Variants in RUSC2 observed in about 807,000 individuals in gnomAD.
RUSC2 encodes the protein RUN and SH3 domain containing 2.
A neutral mutation model predicts 122.2 loss-of-function variants in RUSC2; 34 were observed. That is an observed-to-expected ratio of 0.28 (90% CI 0.21 to 0.37). The LOEUF (loss-of-function observed/expected upper bound fraction) is 0.37, where lower values mean the gene tolerates loss of function less well. Among genes scored for constraint, RUSC2 ranks in the 10% least tolerant of loss-of-function variants. The pLI is 1.00. For missense variants in RUSC2, 1,747 were observed against 1,952.4 expected (o/e 0.89, Z 1.98); for synonymous variants, 784 against 790.0 (o/e 0.99, Z 0.13).
chr9:35,548,277 C>T lies in RUSC2; in HGVS notation c.1756C>T (p.Pro586Ser), dbSNP rs779287668. Residue 586 changes from proline to serine, a missense_variant, in exon 2 of 12, where the codon CCA becomes TCA. Physicochemically the swap from Pro to Ser is moderately conservative, Grantham distance 74. Coordinates refer to ENST00000361226, the MANE Select transcript of RUSC2 (RefSeq NM_014806.5). This position sits in a 1 kb window ranked among gnomAD's most constrained non-coding sequence, Gnocchi z 4.5. ...AGAAGCCCAGCAAGATCGGGGGGCCCCACTGGATGAGGGCACTTGCTGTAG... is the reference window on the plus strand; with the variant it reads ...AGAAGCCCAGCAAGATCGGGGGGCCTCACTGGATGAGGGCACTTGCTGTAG... ...IQEAQQDRGA[P>S]LDEGTCCSHS... is the part of the protein sequence containing the mutation. 6 of 1,613,978 alleles carry T rather than the reference C, an allele frequency of 3.7e-6. No individual in the cohort carries two copies. The Admixed American group carries it at 1.0e-4, about 27-fold the overall frequency.
chr9:35,544,300 C>T (rs10972506), intron 1 of RUSC2, among the ~76,000 whole-genome samples: 88,860 of 144,638 alleles, frequency 0.61, 28,850 homozygotes, highest in Non-Finnish European at 0.72. Flanking sequence ...TAAACTGGAT[C>T]ATATGTCTTT....
In RUSC2 at chr9:35,555,700, T is replaced by C. The variant is rs1477553960; in HGVS notation, c.2655T>C (p.Asn885=). 3 of 1,581,150 alleles carry C rather than the reference T, an allele frequency of 1.9e-6. No homozygotes were observed. Among genetic ancestry groups the C allele is most frequent in the East Asian group, 4.5e-5 (2 of 44,792 alleles). The change falls in exon 3 of 12, where the codon AAT becomes AAC. Residue 885 remains asparagine (N), a splice_region_variant and synonymous_variant. Transcript: ENST00000361226. The surrounding 1 kb of genome is among the most constrained non-coding windows in gnomAD (Gnocchi z 4.6). ...GCAGCATGGCCACCAGGCCCAGTAATGGTACGAGCTCCAGCATCTCCCTAC... is the reference window on the plus strand; with the variant it reads ...GCAGCATGGCCACCAGGCCCAGTAACGGTACGAGCTCCAGCATCTCCCTAC... ...GEGSMATRPS[N]ANHLSPQALK... is the part of the protein sequence containing the mutation.
intron 1 of RUSC2, among the ~76,000 whole-genome samples, chr9:35,503,317 A>G (rs998694756): frequency 7.9e-5 from 12 of 152,170 alleles, no homozygotes; most frequent in African/African-American, 2.9e-4. Flanking sequence ...ACGCCTTTGA[A>G]TCTTCATAGT....
chr9:35,516,022 A>ACAG (rs1554724502), intron 1 of RUSC2, among the ~76,000 whole-genome samples: 1 of 127,116 alleles, frequency 7.9e-6, no homozygotes, highest in Admixed American at 9.6e-5. Flanking sequence ...AAAAAAAAAA[A>ACAG]AGAGAAATGC....
intron 1 of RUSC2, among the ~76,000 whole-genome samples, chr9:35,491,584 T>C (rs1210433039): frequency 6.6e-6 from 1 of 152,222 alleles, no homozygotes; most frequent in Non-Finnish European, 1.5e-5. Flanking sequence ...GGACATGTTC[T>C]CATTCATCCA....
At chr9:35,491,883 G>T (rs2132480087) in intron 1 of RUSC2, among the ~76,000 whole-genome samples, 1 of 152,288 alleles carries the variant, frequency 6.6e-6, no homozygotes, top group East Asian at 1.9e-4. Context: ...TGAGGCAGGA[G>T]AACCCCTTGA....
At chr9:35,519,869 G>A (rs181962690) in intron 1 of RUSC2, among the ~76,000 whole-genome samples, 4 of 152,214 alleles carry the variant, frequency 2.6e-5, no homozygotes, top group Non-Finnish European at 5.9e-5. Flanking sequence ...TGAAGTTTTA[G>A]TGAGGTTGAG....
chr9:35,549,303 T>C, intron 2 of RUSC2: 1 of 942,540 alleles, frequency 1.1e-6, no homozygotes, highest in Non-Finnish European at 1.3e-6. Context: ...GTTTTTTTTT[T>C]TTTCTTTTTG....
rs1374973353 is a variant in RUSC2 at position 35,547,001 on chromosome 9, G to C, written c.480G>C (p.Gly160=). The change falls in exon 2 of 12, where the codon GGG becomes GGC. Residue 160 remains glycine (G), a synonymous_variant. Coordinates refer to ENST00000361226, the MANE Select transcript of RUSC2 (RefSeq NM_014806.5). This position sits in a 1 kb window ranked among gnomAD's most constrained non-coding sequence, Gnocchi z 4.6. ...PSGPRVGRPW[G]TTRSRAGVVE... ...GCCCCAGAGTGGGCAGGCCATGGGG[G>C]ACAACACGCAGTCGGGCTGGAGTGG... The C allele has an allele frequency of 5.0e-6, 8 of 1,603,586 alleles. No individual in the cohort carries two copies. The highest frequency in any genetic ancestry group is 6.8e-6 in the Non-Finnish European group (8 of 1,174,128).
At chr9:35,500,473 C>G (rs1265575700) in intron 1 of RUSC2, among the ~76,000 whole-genome samples, 1 of 152,202 alleles carries the variant, frequency 6.6e-6, no homozygotes, top group Non-Finnish European at 1.5e-5. Context: ...ACTTACTTAT[C>G]TATTACTGTA....
At chr9:35,517,480 G>T (rs1274886507) in intron 1 of RUSC2, among the ~76,000 whole-genome samples, 1 of 150,568 alleles carries the variant, frequency 6.6e-6, no homozygotes, top group Non-Finnish European at 1.5e-5. Context: ...GTGGGATACA[G>T]GCCCCAGATC....
chr9:35,556,531 C>T, intron 5 of RUSC2, 83 bp downstream of exon 5: 1 of 1,404,312 alleles, frequency 7.1e-7, no homozygotes. Context: ...CAGTCTGAAA[C>T]CTCTAAGTGC....
chr9:35,545,981 G>T (rs201785741), intron 1 of RUSC2, among the ~76,000 whole-genome samples: 1 of 152,154 alleles, frequency 6.6e-6, no homozygotes, highest in South Asian at 2.1e-4. Flanking sequence ...TATTATTCAT[G>T]ATTTTCCCTC....
At chr9:35,549,176 CAGG>C (rs1821834958) in intron 2 of RUSC2, 1 of 985,366 alleles carries the variant, frequency 1.0e-6, no homozygotes, top group African/African-American at 1.7e-5. Flanking sequence ...GCTGTAATCA[CAGG>C]AGATTTCCTG....
At chr9:35,519,479 G>A (rs1447918647) in intron 1 of RUSC2, among the ~76,000 whole-genome samples, 2 of 152,208 alleles carry the variant, frequency 1.3e-5, no homozygotes, top group African/African-American at 4.8e-5. Flanking sequence ...AACACTGGCG[G>A]TGGATTAGTA....
At chr9:35,493,781 G>A (rs1043051323) in intron 1 of RUSC2, among the ~76,000 whole-genome samples, 8 of 152,140 alleles carry the variant, frequency 5.3e-5, no homozygotes, top group Non-Finnish European at 8.8e-5. Context: ...GGGATTACAG[G>A]TGTGAGCCAC....
Position 35,560,714 on chromosome 9 carries a change from C to T in RUSC2, c.4074C>T (p.Arg1358=). Residue 1358 remains arginine, a synonymous_variant, in exon 10 of 12, where the codon CGC becomes CGT. Coordinates refer to ENST00000361226, the MANE Select transcript of RUSC2 (RefSeq NM_014806.5). ...ACTCTGTGCTGGCCGAGCTGAGGCG[C>T]AGTCGGGAGAGGGAAGGGCCCGCTG... ...PPDSVLAELR[R]SREREGPAAS... The T allele has an allele frequency of 1.3e-6, 2 of 1,553,096 alleles. No homozygotes were observed. The highest frequency in any genetic ancestry group is 1.2e-5 in the South Asian group (1 of 83,834).
intron 9 of RUSC2, 50 bp from the exon 10 acceptor site, chr9:35,559,979 G>T: frequency 6.7e-7 from 1 of 1,484,476 alleles, no homozygotes; most frequent in East Asian, 2.3e-5. Flanking sequence ...TCCCACTTGG[G>T]CCAGGCTCTG....
intron 1 of RUSC2, among the ~76,000 whole-genome samples, chr9:35,537,010 G>A (rs1033799500): frequency 6.6e-6 from 1 of 152,070 alleles, no homozygotes; most frequent in Non-Finnish European, 1.5e-5. Context: ...AGACTAGTTA[G>A]GTGGCCGAGG....
Sources: gnomAD v4.1 joint callset for allele counts (sites outside exome capture counted in the v4.1 genomes callset) on GRCh38, gnomAD v4.1.1 for gene constraint, Gnocchi (gnomAD v3.1) non-coding constraint, MANE v1.5 for transcripts, NCBI Gene and HGNC (gene_info 2026-07-23, HGNC 2026-07-21) for gene names.